Variants in COL28A1 observed in about 807,000 individuals in gnomAD.
COL28A1 encodes collagen alpha-1(XXVIII) chain.
In COL28A1, 161 loss-of-function variants were observed where a neutral mutation model predicts 150.2. That is an observed-to-expected ratio of 1.07 (90% confidence interval 0.94 to 1.22). COL28A1 has a LOEUF of 1.22. Among genes scored for constraint, COL28A1 ranks in the 50% most tolerant of loss-of-function variants. The pLI is 0.00. For synonymous variants in COL28A1, 552 were observed against 469.7 expected (o/e 1.18, Z -2.26); for missense variants, 1,617 against 1,388.3 (o/e 1.16, Z -2.62).
At chr7:7,501,991 G>C (rs1780556428) in intron 11 of COL28A1, among the ~76,000 whole-genome samples, 2 of 152,122 alleles carry the variant, frequency 1.3e-5, no homozygotes, top group African/African-American at 4.8e-5. Context: ...TGCCTCCCGG[G>C]TTCAGGCAAC....
chr7:7,532,809 C>T lies in COL28A1; in HGVS notation c.67G>A (p.Gly23Arg), dbSNP rs775159738. Residue 23 changes from glycine to arginine, a missense_variant, in exon 2 of 35, where the codon GGA (glycine) becomes AGA (arginine). Transcript: ENST00000399429. ...GATTTTGGTCCTTTCTTTCTTTGTC[C>T]GGATACTGTTTGACTCGTAAACGCT... is the stretch of plus-strand genomic sequence containing the variant. ...LSAFTSQTVS[G>R]QRKKGPKSNL... The T allele has an allele frequency of 1.9e-5, 30 of 1,611,762 alleles. No homozygotes were observed. Among genetic ancestry groups the T allele is most frequent in the East Asian group, 4.5e-5 (2 of 44,766 alleles).
chr7:7,455,552 C>T (rs1311781673), intron 16 of COL28A1, among the ~76,000 whole-genome samples: 1 of 151,424 alleles, frequency 6.6e-6, no homozygotes, highest in African/African-American at 2.4e-5. Flanking sequence ...AAGTTTGCCC[C>T]TTAAACTAAG....
In COL28A1 at chr7:7,437,263, G is replaced by A. The variant is rs1785409225; in HGVS notation, c.1791+131C>T. ...TGGCTGTAGTTTGCTTATCTGTGAA[G>A]TTTCAGAGTTAAACGGAATCATTTC... On this transcript the variant is annotated intron_variant, in intron 22 of 34. Coordinates refer to ENST00000399429, the MANE Select transcript of COL28A1 (RefSeq NM_001037763.3). The A allele has an allele frequency of 2.9e-6, 4 of 1,384,098 alleles. No homozygotes were observed. The South Asian group carries it at 7.2e-5, about 25-fold the overall frequency. The allele number at this position is 1,384,098 out of a possible 1,614,324, so 85.7% of individuals were successfully genotyped here.
downstream of COL28A1, among the ~76,000 whole-genome samples, chr7:7,352,578 C>A (rs990699992): frequency 1.3e-5 from 2 of 152,174 alleles, no homozygotes; most frequent in Non-Finnish European, 2.9e-5. Flanking sequence ...CTGTTGCTGG[C>A]TTTAAAAATA....
At chr7:7,462,598 C>T (rs1397632436) in intron 15 of COL28A1, among the ~76,000 whole-genome samples, 3 of 152,190 alleles carry the variant, frequency 2.0e-5, no homozygotes, top group African/African-American at 4.8e-5. Flanking sequence ...GTGGCTCACA[C>T]CTGTAATCCC....
At chr7:7,339,874 A>G in the COL28A1 span, among the ~76,000 whole-genome samples, 1 of 152,204 alleles carries the variant, frequency 6.6e-6, no homozygotes, top group Non-Finnish European at 1.5e-5. Context: ...TTGTTTCTAC[A>G]TGATGATCAG....
chr7:7,434,581 C>G (rs887238197), intron 23 of COL28A1, among the ~76,000 whole-genome samples: 1 of 152,186 alleles, frequency 6.6e-6, no homozygotes, highest in African/African-American at 2.4e-5. Context: ...AGCAGCTGCT[C>G]TTGTTTAACG....
intron 11 of COL28A1, among the ~76,000 whole-genome samples, chr7:7,501,713 T>C (rs534320590): frequency 2.6e-5 from 4 of 152,258 alleles, no homozygotes; most frequent in Admixed American, 6.5e-5. Context: ...TCACATGTGA[T>C]TGCAACCTGA....
chr7:7,375,506 TA>T lies in COL28A1; in HGVS notation c.2323-10del. On this transcript the variant is annotated splice_polypyrimidine_tract_variant and intron_variant, in intron 30 of 34. Transcript: ENST00000399429. ...TTGATAATTTCTTCTTTCTAGGGGA[TA>T]AAAAGAAAAATGTATTACTATATGT... The T allele has an allele frequency of 6.6e-7, 1 of 1,518,766 alleles. No homozygotes were observed. The highest frequency in any genetic ancestry group is 9.1e-7 in the Non-Finnish European group (1 of 1,104,224). 94.1% of individuals were successfully genotyped at this position (1,518,766 alleles called of 1,614,324 possible). A position where few individuals can be genotyped will look rare whatever the true frequency, so the allele number is the denominator to read the frequency against.
chr7:7,401,771 C>A (rs940238907), intron 27 of COL28A1, among the ~76,000 whole-genome samples: 2 of 152,152 alleles, frequency 1.3e-5, no homozygotes, highest in African/African-American at 2.4e-5. Context: ...CAGAACCATC[C>A]TTTTAAATCA....
chr7:7,394,548 T>G (rs554733925), intron 27 of COL28A1, among the ~76,000 whole-genome samples: 1 of 152,334 alleles, frequency 6.6e-6, no homozygotes, highest in Non-Finnish European at 1.5e-5. Context: ...TCTGCTGCAG[T>G]TGCTGAGGTT....
At chr7:7,511,855 A>G (rs1195002289) in intron 8 of COL28A1, 1 of 468,104 alleles carries the variant, frequency 2.1e-6, no homozygotes, top group Non-Finnish European at 4.4e-6. Flanking sequence ...CTGAAAAAAC[A>G]ACATTTGAGT....
In COL28A1 at chr7:7,471,126, A is replaced by T. The variant is rs866748749; in HGVS notation, c.1302+3475T>A. 3.5e-3 allele frequency among the ~76,000 whole-genome samples: 268 copies of T among 77,146 alleles called. 1 individual carries two copies. The highest frequency in any genetic ancestry group is 0.015 in the Middle Eastern group (2 of 134). 50.6% of individuals were successfully genotyped at this position (77,146 alleles called of 152,430 possible). ...TAGAGTATAATAAAAAAAAATAATT[A>T]AAAAAAAAAAAAAAAAAAGAAAAGA... On this transcript the variant is annotated intron_variant, in intron 15 of 34. Transcript: ENST00000399429.
intron 17 of COL28A1, among the ~76,000 whole-genome samples, chr7:7,452,820 T>C (rs1290144284): frequency 6.6e-6 from 1 of 152,098 alleles, no homozygotes; most frequent in Non-Finnish European, 1.5e-5. Flanking sequence ...ATAGTCAGAG[T>C]GGTCCATTGA....
chr7:7,440,794 G>T lies in COL28A1; in HGVS notation c.1718C>A (p.Pro573Gln). ...GQRGLPGPEG[P>Q]KGEPGIMGPF... Reference sequence around the variant, plus strand: ...GTCAGAATACAAGAAACATACCTTTGGTCCTTCGGGCCCTGGAAGTCCCCT... The same window carrying T: ...GTCAGAATACAAGAAACATACCTTTTGTCCTTCGGGCCCTGGAAGTCCCCT... Residue 573 changes from proline to glutamine, a missense_variant, in exon 21 of 35, where the codon CCA becomes CAA. Pro to Gln is a moderately conservative substitution (Grantham distance 76). Transcript: ENST00000399429. 2 of 1,421,266 alleles carry T rather than the reference G, an allele frequency of 1.4e-6. No homozygotes were observed. The highest frequency in any genetic ancestry group is 2.0e-6 in the Non-Finnish European group (2 of 1,006,814). 88.0% of individuals were successfully genotyped at this position (1,421,266 alleles called of 1,614,324 possible). A position where few individuals can be genotyped will look rare whatever the true frequency, so the allele number is the denominator to read the frequency against.
downstream of COL28A1, among the ~76,000 whole-genome samples, chr7:7,354,030 T>A (rs6952551): frequency 0.037 from 3,915 of 106,752 alleles, 168 homozygotes; most frequent in African/African-American, 0.14. Flanking sequence ...GAAAAAAAAA[T>A]TTTTTTTTTT....
chr7:7,422,234 C>A (rs556058180), intron 25 of COL28A1, among the ~76,000 whole-genome samples: 12 of 152,266 alleles, frequency 7.9e-5, no homozygotes, highest in African/African-American at 2.6e-4. Context: ...AAAAATAATA[C>A]TCCTCTTTGC....
At chr7:7,379,469 G>A (rs780386881) in intron 30 of COL28A1, among the ~76,000 whole-genome samples, 15 of 151,844 alleles carry the variant, frequency 9.9e-5, no homozygotes, top group Non-Finnish European at 1.9e-4. Context: ...TCTGGACCCC[G>A]AGACCACATC....
At chr7:7,363,678 T>G (rs534015490) in intron 33 of COL28A1, among the ~76,000 whole-genome samples, 6 of 152,290 alleles carry the variant, frequency 3.9e-5, no homozygotes, top group Middle Eastern at 3.4e-3. Flanking sequence ...TATCCATTTT[T>G]TTGTTGTTGT....
Sources: allele counts gnomAD v4.1 joint callset (sites outside exome capture counted in the v4.1 genomes callset), GRCh38; gene constraint gnomAD v4.1.1; transcripts MANE v1.5; gene names NCBI Gene and HGNC (gene_info 2026-07-23, HGNC 2026-07-21).